The following SPAG16 variants were observed in gnomAD, a reference collection of about 807,000 sequenced individuals.
The protein encoded by SPAG16 is sperm associated antigen 16, also known as sperm-associated antigen 16 protein.
SPAG16 carries 86 observed loss-of-function variants against 80.4 expected under a neutral mutation model. The ratio of observed to expected loss-of-function variants is 1.07; its 90% confidence interval spans 0.90 to 1.28. The LOEUF is 1.28. Ranked by LOEUF, SPAG16 falls within the 50% of genes most tolerant of loss-of-function variation. The pLI, the probability that SPAG16 is intolerant of heterozygous loss-of-function variation, is 0.00. For synonymous variants in SPAG16, 294 were observed against 265.9 expected (o/e 1.11, Z -1.03); for missense variants, 870 against 765.3 (o/e 1.14, Z -1.61).
At chr2:213,924,984 C>A (rs1294103342) in intron 11 of SPAG16, among the ~76,000 whole-genome samples, 1 of 151,202 alleles carries the variant, frequency 6.6e-6, no homozygotes, top group Non-Finnish European at 1.5e-5. Context: ...TTTTCTTATA[C>A]TGGTTTGGAA....
intron 15 of SPAG16, among the ~76,000 whole-genome samples, chr2:214,174,426 T>A (rs1046022858): frequency 6.6e-6 from 1 of 152,018 alleles, no homozygotes; most frequent in Non-Finnish European, 1.5e-5. Context: ...AGCATTCTTA[T>A]ACACCAGTAA....
At chr2:213,893,396 T>G (rs2076861807) in intron 11 of SPAG16, among the ~76,000 whole-genome samples, 3 of 152,160 alleles carry the variant, frequency 2.0e-5, no homozygotes, top group Admixed American at 2.0e-4. Flanking sequence ...CTGTTATAAT[T>G]AAGTGCATGG....
chr2:214,303,327 A>T (rs1227875183), intron 15 of SPAG16, among the ~76,000 whole-genome samples: 1 of 152,158 alleles, frequency 6.6e-6, no homozygotes, highest in African/African-American at 2.4e-5. Flanking sequence ...AGTGTTGATG[A>T]ATTCCCTTAG....
intron 14 of SPAG16, among the ~76,000 whole-genome samples, chr2:214,124,352 G>T (rs1006200853): frequency 2.6e-5 from 4 of 151,484 alleles, no homozygotes; most frequent in Non-Finnish European, 5.9e-5. Flanking sequence ...ATTTAAACAG[G>T]TTTCACAGTA....
intron 5 of SPAG16, among the ~76,000 whole-genome samples, chr2:213,335,822 G>T (rs1287196590): frequency 6.6e-6 from 1 of 151,960 alleles, no homozygotes; most frequent in East Asian, 1.9e-4. Flanking sequence ...TACAAAATTG[G>T]CAGTAAAATA....
At chr2:213,845,939 G>C (rs1302047978) in intron 10 of SPAG16, among the ~76,000 whole-genome samples, 1 of 152,198 alleles carries the variant, frequency 6.6e-6, no homozygotes, top group East Asian at 1.9e-4. Flanking sequence ...CATGATGAAA[G>C]TGGGGTTGGG....
chr2:213,773,335 G>T (rs893714086), intron 10 of SPAG16, among the ~76,000 whole-genome samples: 1 of 151,994 alleles, frequency 6.6e-6, no homozygotes, highest in Admixed American at 6.5e-5. Context: ...CTCTTTCAAG[G>T]GAAGGTGACT....
intron 15 of SPAG16, among the ~76,000 whole-genome samples, chr2:214,391,695 C>T (rs1234714365): frequency 2.6e-5 from 4 of 152,100 alleles, no homozygotes; most frequent in East Asian, 1.9e-4. Flanking sequence ...CTAAAGAAGA[C>T]GACTTCCACA....
In SPAG16 at chr2:213,706,941, G is replaced by T. The variant is rs77118709; in HGVS notation, c.1071-155544G>T. Among the ~76,000 whole-genome samples the T allele has an allele frequency of 5.8e-4, 88 of 152,302 alleles. 1 individual carries two copies. The East Asian group carries it at 0.016, about 28-fold the overall frequency. ...TGTTTTTTTCTCCACAGGGTTGCTT[G>T]AGTGTCCTCACAACAAGGTGGCTAG... On this transcript the variant is annotated intron_variant, in intron 10 of 15. Coordinates refer to ENST00000331683, the MANE Select transcript of SPAG16 (RefSeq NM_024532.5).
intron 14 of SPAG16, among the ~76,000 whole-genome samples, chr2:214,114,199 G>A (rs931449774): frequency 6.6e-6 from 1 of 152,164 alleles, no homozygotes; most frequent in Non-Finnish European, 1.5e-5. Flanking sequence ...TCCTCTGGAA[G>A]CTTTGTCCTA....
Position 213,340,280 on chromosome 2 carries a change from T to C in SPAG16, c.644+10T>C, listed in dbSNP as rs781340516. 3.3e-6 allele frequency: 5 copies of C among 1,492,808 alleles called. No homozygotes were observed. The highest frequency in any genetic ancestry group is 2.3e-5 in the South Asian group (2 of 85,372). 92.5% of individuals were successfully genotyped at this position (1,492,808 alleles called of 1,614,324 possible). On this transcript the variant is annotated intron_variant, in intron 6 of 15. Transcript: ENST00000331683. ...TTAATGACCTCAAAGGGTAAGCTTATACTTGTTGGCATATTTATTAAAGAG... is the reference window on the plus strand; with the variant it reads ...TTAATGACCTCAAAGGGTAAGCTTACACTTGTTGGCATATTTATTAAAGAG...
intron 12 of SPAG16, among the ~76,000 whole-genome samples, chr2:213,999,039 T>TA (rs998111561): frequency 6.6e-6 from 1 of 152,054 alleles, no homozygotes; most frequent in Non-Finnish European, 1.5e-5. Context: ...GACAATGTGA[T>TA]AAAAAAGAAA....
intron 15 of SPAG16, among the ~76,000 whole-genome samples, chr2:214,409,683 G>A (rs1702190759): frequency 6.6e-6 from 1 of 152,108 alleles, no homozygotes; most frequent in Non-Finnish European, 1.5e-5. Context: ...TGAGTTGTAA[G>A]TAATGATTAG....
At chr2:213,886,091 T>C (rs2076543940) in intron 11 of SPAG16, among the ~76,000 whole-genome samples, 1 of 152,138 alleles carries the variant, frequency 6.6e-6, no homozygotes, top group South Asian at 2.1e-4. Context: ...ATGCCTGTTT[T>C]GGTTTTTCGT....
At chr2:213,627,725 A>C (rs919457032) in intron 10 of SPAG16, among the ~76,000 whole-genome samples, 8 of 152,250 alleles carry the variant, frequency 5.3e-5, no homozygotes, top group African/African-American at 1.9e-4. Context: ...AATGAACTGA[A>C]TGATCAGCTT....
chr2:214,141,663 G>A (rs1465651544), intron 14 of SPAG16, among the ~76,000 whole-genome samples: 2 of 152,038 alleles, frequency 1.3e-5, no homozygotes, highest in Admixed American at 1.3e-4. Flanking sequence ...TTTAACTAAA[G>A]CATAGAATTT....
At chr2:213,869,060 T>A (rs1252917554) in intron 11 of SPAG16, among the ~76,000 whole-genome samples, 8 of 151,732 alleles carry the variant, frequency 5.3e-5, no homozygotes, top group Admixed American at 2.0e-4. Flanking sequence ...GAGACCAGCC[T>A]GACCAACATG....
chr2:213,719,126 C>T (rs1443313592), intron 10 of SPAG16, among the ~76,000 whole-genome samples: 1 of 151,676 alleles, frequency 6.6e-6, no homozygotes, highest in East Asian at 1.9e-4. Flanking sequence ...ATTGTAAATA[C>T]ACCAATCGGC....
chr2:214,377,536 T>A (rs1700202343), intron 15 of SPAG16, among the ~76,000 whole-genome samples: 1 of 152,330 alleles, frequency 6.6e-6, no homozygotes, highest in South Asian at 2.1e-4. Flanking sequence ...CATTTTCTTT[T>A]CTCTAGCTTA....
Sources: gnomAD v4.1 joint callset for allele counts (sites outside exome capture counted in the v4.1 genomes callset) on GRCh38, gnomAD v4.1.1 for gene constraint, MANE v1.5 for transcripts, NCBI Gene and HGNC (gene_info 2026-07-23, HGNC 2026-07-21) for gene names.